Variants in YBX3 observed in about 807,000 individuals in gnomAD.
YBX3 encodes the protein Y-box binding protein 3.
YBX3 carries 29 observed loss-of-function variants against 42.4 expected under a neutral mutation model. The ratio of observed to expected loss-of-function variants is 0.68; its 90% CI spans 0.51 to 0.93. The LOEUF (loss-of-function observed/expected upper bound fraction) is 0.93, where lower values mean the gene tolerates loss of function less well. Among genes scored for constraint, YBX3 ranks in the 40% least tolerant of loss-of-function variants. The pLI is 0.00. For synonymous variants in YBX3, 195 were observed against 189.8 expected, an observed-to-expected ratio of 1.03 and a Z score of -0.22; for missense variants, 517 against 527.5, an observed-to-expected ratio of 0.98 and a Z score of 0.19.
chr12:10,700,379 C>A (rs1382487727), intron 9 of YBX3, among the ~76,000 whole-genome samples: 3 of 151,994 alleles, frequency 2.0e-5, no homozygotes, highest in Non-Finnish European at 2.9e-5. Context: ...GAGTTTACAA[C>A]CTCTCTCTTA....
rs1948132150 is a variant in YBX3 at position 10,705,918 on chromosome 12, AGGCTCATATTATAC to A, written c.781-1784_781-1771del. On this transcript the variant is annotated intron_variant, in intron 6 of 9. Coordinates refer to ENST00000228251, the MANE Select transcript of YBX3 (RefSeq NM_003651.5). ...GCTTTCTGGCACAACAAGATGTTCCAGGCTCATATTATACTTTCTCTGTCCCAGCTCTGAAATCA... is the reference window on the plus strand; with the variant it reads ...GCTTTCTGGCACAACAAGATGTTCCATTTCTCTGTCCCAGCTCTGAAATCA... Among the ~76,000 whole-genome samples, 3 of 152,160 alleles carry A rather than the reference AGGCTCATATTATAC, an allele frequency of 2.0e-5. No homozygotes were observed. In the South Asian group the frequency reaches 6.2e-4, roughly 32 times the overall value.
At chr12:10,699,727 T>A (rs994969262) in intron 9 of YBX3, 73 bp from the exon 10 acceptor site, 2 of 152,622 alleles carry the variant, frequency 1.3e-5, no homozygotes, top group Non-Finnish European at 2.9e-5. Context: ...AAGGCAGAAA[T>A]TATATGCTTT....
At chr12:10,720,519 C>A (rs543249227) in intron 1 of YBX3, among the ~76,000 whole-genome samples, 1 of 152,138 alleles carries the variant, frequency 6.6e-6, no homozygotes, top group African/African-American at 2.4e-5. Context: ...ATTGGAGCAG[C>A]AAGGCAAAGG....
rs565628732 is a variant in YBX3, at chr12:10,721,243, TA to T, written c.262+1606del. On this transcript the variant is annotated intron_variant, in intron 1 of 9. Transcript: ENST00000228251. The stretch of plus-strand genomic sequence containing the variant: ...GAGAGACGCAGTAAGAGTGGAAAGA[TA>T]AAAGGCATCAGACTCATCACCAGGG... 2.9e-3 allele frequency among the ~76,000 whole-genome samples: 439 copies of T among 152,316 alleles called. 1 individual carries two copies. The highest frequency in any genetic ancestry group is 0.01 in the African/African-American group (424 of 41,560).
At chr12:10,710,586 T>C in intron 5 of YBX3, 1 of 1,257,680 alleles carries the variant, frequency 8.0e-7, no homozygotes, top group Non-Finnish European at 1.0e-6. Context: ...GTGGATGGGA[T>C]TTCTGAAAAC....
rs373266572 is a variant in YBX3 at position 10,715,782 on chromosome 12, G to A, written c.362C>T (p.Thr121Ile). ...DTKEDVFVHQ[T>I]AIKKNNPRKY... ...CCGTGGGTTATTCTTCTTGATGGCA[G>A]TCTGGAAAGAGAACAGAAAATTTTA... The change falls in exon 4 of 10, where the codon ACT becomes ATT. Residue 121 changes from threonine (T) to isoleucine (I), a missense_variant and splice_region_variant. Thr to Ile is a moderately conservative substitution (Grantham distance 89). Around this residue, in one of 3 missense-constraint regions of YBX3, gnomAD observed 420 missense variants for 408.5 expected, o/e 1.03. Transcript: ENST00000228251. The A allele has an allele frequency of 1.2e-6, 2 of 1,613,466 alleles. No homozygotes were observed. The highest frequency in any genetic ancestry group is 1.7e-6 in the Non-Finnish European group (2 of 1,179,704).
chr12:10,716,699 C>T (rs193254951), intron 3 of YBX3, among the ~76,000 whole-genome samples: 1 of 152,240 alleles, frequency 6.6e-6, no homozygotes, highest in East Asian at 1.9e-4. Context: ...TAATCCAGCC[C>T]GTCCCCTAAC....
chr12:10,718,012 C>A, intron 3 of YBX3, 76 bp downstream of exon 3: 1 of 1,323,122 alleles, frequency 7.6e-7, no homozygotes, highest in Non-Finnish European at 1.0e-6. Context: ...ATAGGACTTA[C>A]TTTTGGGAAA....
intron 1 of YBX3, chr12:10,722,219 T>A (rs1167047941): frequency 6.6e-6 from 1 of 152,256 alleles, no homozygotes; most frequent in Non-Finnish European, 1.5e-5. Flanking sequence ...AAGACCCAAG[T>A]TTCCCGGAGA....
intron 6 of YBX3, among the ~76,000 whole-genome samples, chr12:10,705,475 A>G (rs1948127163): frequency 6.6e-6 from 1 of 152,188 alleles, no homozygotes; most frequent in South Asian, 2.1e-4. Flanking sequence ...GTGTTCACTA[A>G]TGATTAGATA....
intron 6 of YBX3, chr12:10,704,373 G>C: frequency 2.5e-6 from 1 of 396,540 alleles, no homozygotes; most frequent in South Asian, 9.1e-5. Context: ...CTTAGTCCCA[G>C]AGCACCTAAC....
At chr12:10,703,745 T>G (rs1948106622) in intron 7 of YBX3, 1 of 329,168 alleles carries the variant, frequency 3.0e-6, no homozygotes, top group Non-Finnish European at 5.8e-6. Context: ...TTCCTCCATC[T>G]GCAGCATTAC....
rs773440564 is a variant in YBX3 at position 10,701,311 on chromosome 12, TG to T, written c.1095del (p.Thr366ProfsTer22). ...TGTTACTCAGCACTGCTCTGCTGGG[TG>T]GGTGGAGCAGGGTTCTCAGTTGGTG... ...GEAPTENPAP[P>X]TQQSSAE On this transcript the variant is annotated frameshift_variant, in exon 9 of 10. Transcript: ENST00000228251. LOFTEE classifies it high-confidence loss of function. 8 of 780,914 alleles carry T rather than the reference TG, an allele frequency of 1.0e-5. No homozygotes were observed. Among genetic ancestry groups the T allele is most frequent in the Non-Finnish European group, 1.9e-5 (8 of 418,106 alleles). The allele number at this position is 780,914 out of a possible 1,614,324, so 48.4% of individuals were successfully genotyped here.
chr12:10,707,291 A>G (rs957006723), intron 6 of YBX3, among the ~76,000 whole-genome samples: 16 of 152,120 alleles, frequency 1.1e-4, no homozygotes, highest in African/African-American at 2.9e-4. Flanking sequence ...TTGTACGTGA[A>G]TTTAATATGA....
chr12:10,720,703 T>A (rs958470027), intron 1 of YBX3: 1 of 152,236 alleles, frequency 6.6e-6, no homozygotes, highest in Non-Finnish European at 1.5e-5. Flanking sequence ...CTGTTTTTAA[T>A]ATCTAGCATT....
chr12:10,708,937 G>A (rs1565588037), intron 6 of YBX3, among the ~76,000 whole-genome samples: 1 of 152,150 alleles, frequency 6.6e-6, no homozygotes. Context: ...GACTTTTCCT[G>A]TCCTTGTTTC....
chr12:10,719,255 T>A (rs1948298528), intron 1 of YBX3, 112 bp from the exon 2 acceptor site: 7 of 850,258 alleles, frequency 8.2e-6, no homozygotes, highest in Non-Finnish European at 1.3e-5. Flanking sequence ...AAAGAAACCA[T>A]TAAAAGCTTA....
intron 5 of YBX3, chr12:10,710,830 AT>A (rs1004856363): frequency 3.3e-4 from 57 of 171,758 alleles, no homozygotes; most frequent in Middle Eastern, 1.1e-3. Flanking sequence ...CAATTTAAAT[AT>A]TTTTTTTCCA....
chr12:10,718,830 T>A (rs1948292548), intron 2 of YBX3, among the ~76,000 whole-genome samples: 1 of 152,232 alleles, frequency 6.6e-6, no homozygotes, highest in Non-Finnish European at 1.5e-5. Context: ...GCCCTTCCCA[T>A]TTCTGATTTT....
Sources: gnomAD v4.1 joint callset for allele counts (sites outside exome capture counted in the v4.1 genomes callset) on GRCh38, gnomAD v4.1.1 for gene constraint, gnomAD v4.1.1 regional missense constraint, MANE v1.5 for transcripts, NCBI Gene and HGNC (gene_info 2026-07-23, HGNC 2026-07-21) for gene names.